Variants in CSMD1 observed in about 807,000 individuals in gnomAD.
The protein encoded by CSMD1 is CUB and Sushi multiple domains 1.
CSMD1 carries 213 observed loss-of-function variants against 417.5 expected under a neutral mutation model. The ratio of observed to expected loss-of-function variants is 0.51; its 90% CI spans 0.46 to 0.57. The LOEUF (loss-of-function observed/expected upper bound fraction) is 0.57, where lower values mean the gene tolerates loss of function less well. Ranked by LOEUF, CSMD1 falls within the 20% of genes least tolerant of loss-of-function variation. The pLI is 0.00. For synonymous variants in CSMD1, 2,862 were observed against 1,736.8 expected (o/e 1.65, Z -16.11); for missense variants, 6,923 against 4,529.7 (o/e 1.53, Z -15.17).
chr8:4,434,754 G>C (rs1191507415), intron 2 of CSMD1, among the ~76,000 whole-genome samples: 1 of 152,134 alleles, frequency 6.6e-6, no homozygotes, highest in South Asian at 2.1e-4. Context: ...TTAGCTCTTA[G>C]ACTGTCAAAT....
intron 3 of CSMD1, among the ~76,000 whole-genome samples, chr8:4,118,161 G>C (rs1488855650): frequency 6.6e-6 from 1 of 152,150 alleles, no homozygotes; most frequent in African/African-American, 2.4e-5. Flanking sequence ...AGTGGGAGCA[G>C]AGGGGTGTGT....
chr8:3,736,358 C>T (rs1009859348), intron 6 of CSMD1, among the ~76,000 whole-genome samples: 2 of 152,040 alleles, frequency 1.3e-5, no homozygotes, highest in Admixed American at 6.6e-5. Context: ...TCTCCTACCT[C>T]AGCCTTCCAA....
intron 5 of CSMD1, among the ~76,000 whole-genome samples, chr8:3,835,396 T>C (rs1293682568): frequency 6.6e-6 from 1 of 151,692 alleles, no homozygotes; most frequent in African/African-American, 2.4e-5. Flanking sequence ...CCATAAAAAA[T>C]GATGAGTTCA....
In CSMD1 at chr8:4,678,047, G is replaced by A. The variant is rs144971176; in HGVS notation, c.86-40489C>T. On this transcript the variant is annotated intron_variant, in intron 1 of 69. Coordinates refer to ENST00000635120, the MANE Select transcript of CSMD1 (RefSeq NM_033225.6). The stretch of plus-strand genomic sequence containing the variant: ...CCAAATGGGAACTATTTTAGTAACA[G>A]CACACATGGACACACACCCACATAT... 2.2e-3 allele frequency among the ~76,000 whole-genome samples: 338 copies of A among 152,134 alleles called. 2 individuals carry two copies. In the East Asian group the frequency reaches 0.025, roughly 11 times the overall value.
chr8:4,254,900 T>A (rs1001267742), intron 3 of CSMD1, among the ~76,000 whole-genome samples: 37 of 152,150 alleles, frequency 2.4e-4, no homozygotes, highest in Non-Finnish European at 2.9e-5. Flanking sequence ...AATTTCCCGA[T>A]GAGGCATTTC....
At chr8:4,800,932 T>A (rs575518032) in intron 1 of CSMD1, among the ~76,000 whole-genome samples, 2 of 152,278 alleles carry the variant, frequency 1.3e-5, no homozygotes, top group South Asian at 4.1e-4. Context: ...CGGAAATAAA[T>A]CTCCTGATTG....
chr8:4,794,560 T>G (rs368744661), intron 1 of CSMD1, among the ~76,000 whole-genome samples: 9 of 152,172 alleles, frequency 5.9e-5, no homozygotes, highest in Non-Finnish European at 1.3e-4. Context: ...TCCACCTATG[T>G]GCTGAGAGAT....
chr8:3,975,190 G>GGA (rs1813348365), intron 5 of CSMD1, among the ~76,000 whole-genome samples: 1 of 152,130 alleles, frequency 6.6e-6, no homozygotes. Context: ...TCAGCATCCT[G>GGA]TTACGATGTT....
At chr8:4,681,681 C>T (rs1806061858) in intron 1 of CSMD1, among the ~76,000 whole-genome samples, 2 of 152,082 alleles carry the variant, frequency 1.3e-5, no homozygotes, top group Admixed American at 1.3e-4. Context: ...CCCCCTTTTC[C>T]TCATACAAAA....
At chr8:4,429,426 C>T (rs1193974127) in intron 2 of CSMD1, among the ~76,000 whole-genome samples, 1 of 152,088 alleles carries the variant, frequency 6.6e-6, no homozygotes, top group African/African-American at 2.4e-5. Flanking sequence ...CCTCCTTTCA[C>T]ACAATGTTTT....
At chr8:4,080,030 G>C (rs1287602493) in intron 3 of CSMD1, among the ~76,000 whole-genome samples, 1 of 150,704 alleles carries the variant, frequency 6.6e-6, no homozygotes, top group Non-Finnish European at 1.5e-5. Flanking sequence ...GATATCAAAA[G>C]GGTGGTGAGT....
intron 18 of CSMD1, among the ~76,000 whole-genome samples, chr8:3,385,033 AT>A (rs1315827779): frequency 6.7e-5 from 8 of 118,910 alleles, no homozygotes; most frequent in Non-Finnish European, 1.1e-4. Context: ...TAAATATAAT[AT>A]ATATAATATA....
intron 49 of CSMD1, among the ~76,000 whole-genome samples, chr8:3,065,676 T>G (rs1017961603): frequency 1.3e-5 from 2 of 152,040 alleles, no homozygotes; most frequent in African/African-American, 4.8e-5. Context: ...AATCGCTAGG[T>G]TGATTGGCAG....
At chr8:3,501,627 GTA>G (rs1796604386) in intron 10 of CSMD1, among the ~76,000 whole-genome samples, 1 of 152,136 alleles carries the variant, frequency 6.6e-6, no homozygotes, top group Non-Finnish European at 1.5e-5. Context: ...ACGCTATAAT[GTA>G]TCTGATTCAT....
chr8:3,482,879 C>A (rs10107012), intron 11 of CSMD1, among the ~76,000 whole-genome samples: 98,857 of 151,532 alleles, frequency 0.65, 32,716 homozygotes, highest in Middle Eastern at 0.78. Flanking sequence ...TCTAAATAAT[C>A]CATGATTCAA....
At chr8:4,221,726 C>G (rs374796544) in intron 3 of CSMD1, among the ~76,000 whole-genome samples, 2 of 152,124 alleles carry the variant, frequency 1.3e-5, no homozygotes, top group African/African-American at 4.8e-5. Context: ...CAGAGATGCT[C>G]AATTAGACTA....
chr8:4,140,283 G>T (rs371534569), intron 3 of CSMD1, among the ~76,000 whole-genome samples: 3 of 150,910 alleles, frequency 2.0e-5, no homozygotes, highest in South Asian at 4.1e-4. Context: ...GATCACTTGA[G>T]GTCAGGAGTT....
intron 1 of CSMD1, among the ~76,000 whole-genome samples, chr8:4,692,057 AC>A (rs1353962922): frequency 6.6e-6 from 1 of 152,176 alleles, no homozygotes; most frequent in Non-Finnish European, 1.5e-5. Flanking sequence ...AATGCGGGGC[AC>A]ACAACCTACC....
chr8:4,284,948 G>A (rs1447247610), intron 3 of CSMD1, among the ~76,000 whole-genome samples: 1 of 152,126 alleles, frequency 6.6e-6, no homozygotes, highest in African/African-American at 2.4e-5. Flanking sequence ...GTAAGACCTT[G>A]GGCAAAGTAA....
Sources: allele counts gnomAD v4.1 joint callset (sites outside exome capture counted in the v4.1 genomes callset), GRCh38; gene constraint gnomAD v4.1.1; transcripts MANE v1.5; gene names NCBI Gene and HGNC (gene_info 2026-07-23, HGNC 2026-07-21).